The following ZNF439 variants were observed in gnomAD, a reference collection of about 807,000 sequenced individuals.
ZNF439 encodes the protein zinc finger protein 439.
Under a neutral mutation model 47.3 loss-of-function variants are expected in ZNF439, and 40 were observed. The ratio of observed to expected loss-of-function variants is 0.85; its 90% CI spans 0.66 to 1.10. The LOEUF (loss-of-function observed/expected upper bound fraction) is 1.10. Ranked by LOEUF, ZNF439 falls within the 50% of genes least tolerant of loss-of-function variation. The pLI, the probability that ZNF439 is intolerant of heterozygous loss-of-function variation, is 0.00. For missense variants in ZNF439, 556 were observed against 601.1 expected, an observed-to-expected ratio of 0.93 and a Z score of 0.78; for synonymous variants, 171 against 198.8, an observed-to-expected ratio of 0.86 and a Z score of 1.18.
intron 2 of ZNF439, 81 bp from the exon 3 acceptor site, chr19:11,866,456 T>A (rs537695812): frequency 6.2e-7 from 1 of 1,601,706 alleles, no homozygotes; most frequent in East Asian, 2.2e-5. Flanking sequence ...GCATGGCTGC[T>A]GTAAATCATG....
chr19:11,849,420 C>T (rs1976169195), intron 1 of ZNF439: 1 of 534,986 alleles, frequency 1.9e-6, no homozygotes, highest in South Asian at 7.6e-5. Context: ...ATGTAAAATA[C>T]AGAAGTGTAT....
At chr19:11,866,945 A>T (rs891518437) in intron 3 of ZNF439, among the ~76,000 whole-genome samples, 1 of 152,158 alleles carries the variant, frequency 6.6e-6, no homozygotes, top group East Asian at 1.9e-4. Flanking sequence ...GAGGGACATG[A>T]GGATCACTTG....
rs761443537 is a variant in ZNF439 at position 11,867,975 on chromosome 19, A to G, written c.921A>G (p.Glu307=). Residue 307 remains glutamate (E), a synonymous_variant, in exon 4 of 4, where the codon GAA becomes GAG. Transcript: ENST00000682736. ...GAGAGAAGGCTTATCAATGTAAGGA[A>G]TGTGGAAAAGCATTCATGTGTCCCC... ...HMGEKAYQCK[E]CGKAFMCPRY... The G allele has an allele frequency of 2.0e-5, 32 of 1,614,198 alleles. No homozygotes were observed. In the Admixed American group the frequency reaches 5.2e-4, roughly 26 times the overall value.
At chr19:11,857,916 A>T (rs961112367) in intron 1 of ZNF439, 3 of 152,200 alleles carry the variant, frequency 2.0e-5, no homozygotes, top group African/African-American at 7.2e-5. Flanking sequence ...TCTCTGAATA[A>T]CTGATGTAAG....
intron 1 of ZNF439, chr19:11,865,964 G>A (rs1025620209): frequency 6.4e-6 from 8 of 1,250,292 alleles, no homozygotes; most frequent in South Asian, 4.2e-5. Flanking sequence ...GCAGTGAGCC[G>A]AGATTGCACC....
chr19:11,868,547 C>T lies in ZNF439; in HGVS notation c.1493C>T (p.Ala498Val), dbSNP rs750275330. Residue 498 changes from alanine (A) to valine (V), a missense_variant, in exon 4 of 4, where the codon GCA (alanine) becomes GTA (valine). Physicochemically the swap from Ala to Val is moderately conservative, Grantham distance 64 (BLOSUM62 0). Transcript: ENST00000682736. ...GAAAGGACACAAACACATAAGAATGCACTCTGGAGAAAGACCTTATAAATA... is the reference window on the plus strand; with the variant it reads ...GAAAGGACACAAACACATAAGAATGTACTCTGGAGAAAGACCTTATAAATA... ...FHERTQTHKN[A>V]LWRKTL The T allele has an allele frequency of 3.7e-6, 6 of 1,610,030 alleles. No individual in the cohort carries two copies. Among genetic ancestry groups the T allele is most frequent in the Non-Finnish European group, 5.1e-6 (6 of 1,178,190 alleles).
At chr19:11,851,753 T>C (rs1052424575) in intron 1 of ZNF439, among the ~76,000 whole-genome samples, 5 of 151,872 alleles carry the variant, frequency 3.3e-5, no homozygotes, top group African/African-American at 1.2e-4. Flanking sequence ...GACTTCCCCA[T>C]CTTGAGCACC....
In ZNF439 at chr19:11,866,195, G is replaced by T. The variant is rs747151122; in HGVS notation, c.64-10G>T. The T allele has an allele frequency of 4.8e-5, 78 of 1,614,000 alleles. No homozygotes were observed. The highest frequency in any genetic ancestry group is 6.2e-5 in the Non-Finnish European group (73 of 1,180,034). On this transcript the variant is annotated splice_polypyrimidine_tract_variant and intron_variant, in intron 1 of 3. Coordinates refer to ENST00000682736, the MANE Select transcript of ZNF439 (RefSeq NM_001348719.2). ...CACCCATCCTCCTCTACACATGTGA[G>T]ATGTTTCAGGACCCAGTGGCTTTTA...
rs1239369568 is a variant in ZNF439 at position 11,867,765 on chromosome 19, T to G, written c.711T>G (p.His237Gln). 1.2e-6 allele frequency: 2 copies of G among 1,614,154 alleles called. No individual in the cohort carries two copies. Among genetic ancestry groups the G allele is most frequent in the Non-Finnish European group, 8.5e-7 (1 of 1,180,020 alleles). The change falls in exon 4 of 4, where the codon CAT becomes CAG. Residue 237 changes from histidine (H) to glutamine (Q), a missense_variant. By Grantham distance (24) the His-to-Gln change is conservative. Coordinates refer to ENST00000682736, the MANE Select transcript of ZNF439 (RefSeq NM_001348719.2). Reference protein sequence around the residue: ...AFHCLSLYLIHERTHTGEKPY... With the variant: ...AFHCLSLYLIQERTHTGEKPY... ...ATTGTCTCAGTTTATATCTTATCCA[T>G]GAAAGAACTCACACTGGAGAGAAAC...
In ZNF439 at chr19:11,868,154, G is replaced by C; in HGVS notation, c.1100G>C (p.Gly367Ala). Residue 367 changes from glycine (G) to alanine (A), a missense_variant, in exon 4 of 4, where the codon GGC (glycine) becomes GCC (alanine). By Grantham distance (60) the Gly-to-Ala change is moderately conservative (BLOSUM62 0). Coordinates refer to ENST00000682736, the MANE Select transcript of ZNF439 (RefSeq NM_001348719.2). ...TATGAATGTAAGACATGTGGGAAAGGCTTTTATTCTGCCAAGTCATTTCAA... is the reference window on the plus strand; with the variant it reads ...TATGAATGTAAGACATGTGGGAAAGCCTTTTATTCTGCCAAGTCATTTCAA... ...RPYECKTCGK[G>A]FYSAKSFQRH... The C allele has an allele frequency of 1.2e-6, 2 of 1,613,028 alleles. No homozygotes were observed. The highest frequency in any genetic ancestry group is 1.7e-6 in the Non-Finnish European group (2 of 1,179,716).
At chr19:11,854,993 G>C (rs77822570) in intron 1 of ZNF439, among the ~76,000 whole-genome samples, 1 of 152,218 alleles carries the variant, frequency 6.6e-6, no homozygotes, top group African/African-American at 2.4e-5. Context: ...TCCCAACCCC[G>C]ATGCTGCCAT....
intron 1 of ZNF439, among the ~76,000 whole-genome samples, chr19:11,860,413 C>T (rs1976507199): frequency 6.6e-6 from 1 of 151,426 alleles, no homozygotes; most frequent in African/African-American, 2.5e-5. Flanking sequence ...CTCTTTAGGG[C>T]ACTGATCAGT....
chr19:11,851,791 G>A (rs1229826277), intron 1 of ZNF439, among the ~76,000 whole-genome samples: 1 of 151,854 alleles, frequency 6.6e-6, no homozygotes, highest in South Asian at 2.1e-4. Flanking sequence ...TGAGACTATA[G>A]TCGCCCACTA....
rs10421552 is a variant in ZNF439 at position 11,866,172 on chromosome 19, C to T, written c.64-33C>T. ...TAGGCCCCCAATGCTGTCACTCTCA[C>T]CCATCCTCCTCTACACATGTGAGAT... On this transcript the variant is annotated intron_variant, in intron 1 of 3. Coordinates refer to ENST00000682736, the MANE Select transcript of ZNF439 (RefSeq NM_001348719.2). 5,697 of 1,613,644 alleles carry T rather than the reference C, an allele frequency of 3.5e-3. 165 individuals carry two copies. The African/African-American group carries it at 0.066, about 19-fold the overall frequency.
chr19:11,869,217 C>T lies in ZNF439; in HGVS notation c.*648C>T. ...TTTCAATATCATGAAAGGACTCACA[C>T]TGGGGAGAAACCGTATCAATGTAAG... On this transcript the variant is annotated 3_prime_UTR_variant, in exon 4 of 4. Transcript: ENST00000682736. 4.3e-6 allele frequency: 1 copy of T among 230,968 alleles called. No homozygotes were observed. The allele number at this position is 230,968 out of a possible 1,614,324, so 14.3% of individuals were successfully genotyped here.
chr19:11,862,711 G>C (rs1976570522), intron 1 of ZNF439, among the ~76,000 whole-genome samples: 1 of 151,946 alleles, frequency 6.6e-6, no homozygotes, highest in African/African-American at 2.4e-5. Context: ...TACCGCAACA[G>C]GTATTTACTG....
chr19:11,862,884 G>A (rs962038425), intron 1 of ZNF439, among the ~76,000 whole-genome samples: 4 of 151,982 alleles, frequency 2.6e-5, no homozygotes, highest in African/African-American at 9.7e-5. Context: ...AAGTAGCTGG[G>A]ATTACAGGCA....
Position 11,848,844 on chromosome 19 carries a change from T to C in ZNF439, c.-24T>C. ...AGGGACCTAGTGCCTCTACCCAGAT[T>C]TCTGTCGCTCTGTCACCTGCGCTAT... On this transcript the variant is annotated 5_prime_UTR_variant, in exon 1 of 4. Transcript: ENST00000682736. The C allele has an allele frequency of 6.5e-7, 1 of 1,541,900 alleles. No homozygotes were observed. The highest frequency in any genetic ancestry group is 8.8e-7 in the Non-Finnish European group (1 of 1,135,368).
intron 1 of ZNF439, among the ~76,000 whole-genome samples, chr19:11,864,799 C>CTT (rs945441722): frequency 1.4e-5 from 2 of 144,802 alleles, no homozygotes; most frequent in African/African-American, 5.0e-5. Flanking sequence ...TTCTTTCTTT[C>CTT]TTTTTTTTTT....
Sources: allele counts gnomAD v4.1 joint callset (sites outside exome capture counted in the v4.1 genomes callset), GRCh38; gene constraint gnomAD v4.1.1; transcripts MANE v1.5; gene names NCBI Gene and HGNC (gene_info 2026-07-23, HGNC 2026-07-21).